The following CAPN6 variants were observed in gnomAD, a reference collection of about 807,000 sequenced individuals.
CAPN6 encodes the protein calpain-6.
A neutral mutation model predicts 46.0 loss-of-function variants in CAPN6; 16 were observed. The ratio of observed to expected loss-of-function variants is 0.35; its 90% CI spans 0.24 to 0.53. The LOEUF is 0.53. CAPN6 is among the 20% of genes least tolerant of loss of function. The pLI is 0.94. For synonymous variants in CAPN6, 206 were observed against 172.8 expected (o/e 1.19, Z -1.51); for missense variants, 461 against 498.0 (o/e 0.93, Z 0.71).
chrX:111,256,260 G>A (rs188874164), intron 2 of CAPN6, among the ~76,000 whole-genome samples: 54 of 110,877 alleles, frequency 4.9e-4, no homozygotes, highest in African/African-American at 1.6e-3. Flanking sequence ...TTAGCCAGGC[G>A]TGGTGGCAGG....
intron 1 of CAPN6, among the ~76,000 whole-genome samples, chrX:111,268,621 T>C (rs1380387061): frequency 8.9e-6 from 1 of 112,592 alleles, no homozygotes; most frequent in East Asian, 2.8e-4. Flanking sequence ...AAGACTAATA[T>C]AAAAATTGCC....
intron 2 of CAPN6, among the ~76,000 whole-genome samples, chrX:111,258,347 G>A (rs2094985444): frequency 8.9e-6 from 1 of 111,998 alleles, no homozygotes; most frequent in South Asian, 3.8e-4. Context: ...GGGGGTAGGG[G>A]TGTGGACACC....
chrX:111,262,535 A>G (rs2094988679), intron 2 of CAPN6, among the ~76,000 whole-genome samples: 1 of 111,981 alleles, frequency 8.9e-6, no homozygotes, highest in African/African-American at 3.3e-5. Context: ...GTACACAGAA[A>G]GGAACCTCAT....
At chrX:111,252,526 T>C in intron 4 of CAPN6, 27 bp from the exon 5 acceptor site, 1 of 1,140,091 alleles carries the variant, frequency 8.8e-7, no homozygotes, top group South Asian at 2.1e-5. Flanking sequence ...AAGGTTATCT[T>C]TGTAAAATTG....
At chrX:111,267,000 G>T (rs1280754378) in intron 1 of CAPN6, among the ~76,000 whole-genome samples, 1 of 112,096 alleles carries the variant, frequency 8.9e-6, no homozygotes, top group Non-Finnish European at 1.9e-5. Flanking sequence ...TGGAAACCCA[G>T]AAATTTGTAA....
intron 1 of CAPN6, among the ~76,000 whole-genome samples, chrX:111,269,582 C>T (rs1290874505): frequency 8.9e-6 from 1 of 111,859 alleles, no homozygotes; most frequent in African/African-American, 3.3e-5. Context: ...TTACAATGCA[C>T]CGCTCCTTTT....
intron 3 of CAPN6, 64 bp downstream of exon 3, chrX:111,254,208 C>T: frequency 9.1e-7 from 1 of 1,098,235 alleles, no homozygotes; most frequent in Non-Finnish European, 1.2e-6. Context: ...TGATTTTTTT[C>T]CTAAAGTTAT....
At chrX:111,252,264 G>T in intron 5 of CAPN6, 43 bp downstream of exon 5, 1 of 1,032,242 alleles carries the variant, frequency 9.7e-7, no homozygotes, top group Non-Finnish European at 1.3e-6. Context: ...AGTCTCTTCT[G>T]CCAGGAATGA....
At chrX:111,255,051 C>T (rs2094982698) in intron 2 of CAPN6, among the ~76,000 whole-genome samples, 1 of 111,632 alleles carries the variant, frequency 9.0e-6, no homozygotes, top group Non-Finnish European at 1.9e-5. Context: ...GACACTCTTC[C>T]CAGTGAAGGT....
At chrX:111,250,240 T>C (rs780374259) in intron 8 of CAPN6, among the ~76,000 whole-genome samples, 161 of 111,695 alleles carry the variant, frequency 1.4e-3, no homozygotes, top group African/African-American at 5.0e-3. Context: ...AGAATTCTTG[T>C]TTTCTATGAG....
chrX:111,268,688 C>T (rs2094993801), intron 1 of CAPN6, among the ~76,000 whole-genome samples: 1 of 112,845 alleles, frequency 8.9e-6, no homozygotes, highest in African/African-American at 3.2e-5. Context: ...CTGACTTGCC[C>T]TTTTGGCCGA....
At chrX:111,252,954 T>C in intron 4 of CAPN6, 54 bp downstream of exon 4, 1 of 1,009,035 alleles carries the variant, frequency 9.9e-7, no homozygotes, top group Non-Finnish European at 1.4e-6. Flanking sequence ...AAGATAAATG[T>C]GGCTTTCCTT....
rs1377386496 is a variant in CAPN6, at chrX:111,245,453, ATG to A, written c.*1122_*1123del. On this transcript the variant is annotated 3_prime_UTR_variant, in exon 13 of 13. Transcript: ENST00000324068. The stretch of plus-strand genomic sequence containing the variant: ...GAAAATTCTGTAGAAGTACTGAAAA[ATG>A]AGAGGGCAAACAAACACCCCCAGCG... 11 of 111,460 alleles carry A rather than the reference ATG, an allele frequency of 9.9e-5. No homozygotes were observed. The highest frequency in any genetic ancestry group is 1.9e-4 in the Non-Finnish European group (10 of 53,022). 9.2% of individuals were successfully genotyped at this position (111,460 alleles called of 1,213,427 possible). A position where few individuals can be genotyped will look rare whatever the true frequency, so the allele number is the denominator to read the frequency against.
rs1318286916 is a variant in CAPN6, at chrX:111,246,777, GGGAGTGAAGATGAGCA to G, written c.1744-34_1744-19del. On this transcript the variant is annotated intron_variant, in intron 12 of 12. Transcript: ENST00000324068. ...TTCCAGACCTGGAAAGACAAACGAA[GGGAGTGAAGATGAGCA>G]GCCCTCAGTGAGATTAGCCTTTGCC... The G allele has an allele frequency of 5.9e-6, 7 of 1,188,681 alleles. No individual in the cohort carries two copies. The African/African-American group carries it at 8.8e-5, about 15-fold the overall frequency.
chrX:111,265,446 C>T (rs2094991062), intron 1 of CAPN6, among the ~76,000 whole-genome samples: 1 of 112,206 alleles, frequency 8.9e-6, no homozygotes, highest in Non-Finnish European at 1.9e-5. Context: ...TGTGGGGACA[C>T]TGCAAAATAC....
intron 8 of CAPN6, among the ~76,000 whole-genome samples, chrX:111,250,659 T>C (rs1486416558): frequency 1.8e-5 from 2 of 110,832 alleles, no homozygotes; most frequent in African/African-American, 6.6e-5. Flanking sequence ...TACCAGACAA[T>C]ATGGCCAGAA....
At chrX:111,256,793 T>A (rs1172527064) in intron 2 of CAPN6, among the ~76,000 whole-genome samples, 1 of 110,112 alleles carries the variant, frequency 9.1e-6, no homozygotes, top group Non-Finnish European at 1.9e-5. Flanking sequence ...TATGTACATA[T>A]AATATATATA....
At position 111,246,267 on chromosome X, in the gene CAPN6, G is replaced by A; in HGVS notation, c.*310C>T. The A allele has an allele frequency of 1.8e-5, 5 of 273,091 alleles. No homozygotes were observed. Among genetic ancestry groups the A allele is most frequent in the South Asian group, 8.3e-5 (1 of 11,982 alleles). The allele number at this position is 273,091 out of a possible 1,213,427, so 22.5% of individuals were successfully genotyped here. A position where few individuals can be genotyped will look rare whatever the true frequency, so the allele number is the denominator to read the frequency against. On this transcript the variant is annotated 3_prime_UTR_variant, in exon 13 of 13. Transcript: ENST00000324068. Reference sequence around the variant, plus strand: ...TGAAAACATCAAAGACATCTGTAGGGTGTCCAGCCTCTTGTTATTGTCCTA... The same window carrying A: ...TGAAAACATCAAAGACATCTGTAGGATGTCCAGCCTCTTGTTATTGTCCTA...
Position 111,252,347 on chromosome X carries a change from T to C in CAPN6, c.659A>G (p.Lys220Arg), listed in dbSNP as rs1159493688. 1 of 1,209,968 alleles carries C rather than the reference T, an allele frequency of 8.3e-7. No homozygotes were observed. Among genetic ancestry groups the C allele is most frequent in the Admixed American group, 2.2e-5 (1 of 45,911 alleles). Residue 220 changes from lysine to arginine, a missense_variant, in exon 5 of 13, where the codon AAA (lysine) becomes AGA (arginine). Physicochemically the swap from Lys to Arg is conservative, Grantham distance 26. Transcript: ENST00000324068. ...EKYKLFGELY[K>R]TFTKGGLICC... Reference sequence around the variant, plus strand: ...GATCAGACCACCTTTGGTAAATGTTTTGTACAGTTCTCCGAATAGCTTGTA... The same window carrying C: ...GATCAGACCACCTTTGGTAAATGTTCTGTACAGTTCTCCGAATAGCTTGTA...
Sources: gnomAD v4.1 joint callset for allele counts (sites outside exome capture counted in the v4.1 genomes callset) on GRCh38, gnomAD v4.1.1 for gene constraint, MANE v1.5 for transcripts, NCBI Gene and HGNC (gene_info 2026-07-23, HGNC 2026-07-21) for gene names.